IGHMBP2: variants seen among roughly 807,000 people sequenced by gnomAD.
The protein encoded by IGHMBP2 is DNA-binding protein SMUBP-2.
A neutral mutation model predicts 96.0 loss-of-function variants in IGHMBP2; 81 were observed. The observed-to-expected ratio is 0.84, with a 90% CI of 0.71 to 1.01. IGHMBP2 has a LOEUF of 1.01. IGHMBP2 is among the 50% of genes least tolerant of loss of function. The pLI is 0.00. For missense variants in IGHMBP2, 1,227 were observed against 1,306.3 expected, an observed-to-expected ratio of 0.94 and a Z score of 0.94; for synonymous variants, 557 against 548.9, an observed-to-expected ratio of 1.01 and a Z score of -0.21.
Position 68,917,689 on chromosome 11 carries a change from A to G in IGHMBP2, c.913-47A>G, listed in dbSNP as rs1461530851. The G allele has an allele frequency of 4.7e-6, 7 of 1,496,768 alleles. No homozygotes were observed. In the East Asian group the frequency reaches 1.1e-4, roughly 24 times the overall value. 92.7% of individuals were successfully genotyped at this position (1,496,768 alleles called of 1,614,324 possible). On this transcript the variant is annotated intron_variant, in intron 6 of 14. Transcript: ENST00000255078. Reference sequence around the variant, plus strand: ...ACTTCATAAATAGAGTTGAAGAAGTACAAAGTTGGACTGAAGTAAGTGTAT... The same window carrying G: ...ACTTCATAAATAGAGTTGAAGAAGTGCAAAGTTGGACTGAAGTAAGTGTAT...
chr11:68,920,234 T>C (rs548660709), intron 7 of IGHMBP2, among the ~76,000 whole-genome samples: 1 of 152,338 alleles, frequency 6.6e-6, no homozygotes, highest in Admixed American at 6.5e-5. Flanking sequence ...GCTTTCTTTT[T>C]ATTTTTAAGA....
Position 68,904,076 on chromosome 11 carries a change from T to G in IGHMBP2, c.86+38T>G, listed in dbSNP as rs1002556835. 3 of 1,482,202 alleles carry G rather than the reference T, an allele frequency of 2.0e-6. No homozygotes were observed. The East Asian group carries it at 7.4e-5, about 36-fold the overall frequency. 91.8% of individuals were successfully genotyped at this position (1,482,202 alleles called of 1,614,324 possible). A position where few individuals can be genotyped will look rare whatever the true frequency, so the allele number is the denominator to read the frequency against. Reference sequence around the variant, plus strand: ...GCCGGCGCCGCTCCCTCGCGGTCGGTCCCGCCGTGTCCCGGGCAGAGTCTC... The same window carrying G: ...GCCGGCGCCGCTCCCTCGCGGTCGGGCCCGCCGTGTCCCGGGCAGAGTCTC... On this transcript the variant is annotated intron_variant, in intron 1 of 14. Transcript: ENST00000255078.
In IGHMBP2 at chr11:68,929,287, CT is replaced by C; in HGVS notation, c.1166del (p.Leu389ArgfsTer2). On this transcript the variant is annotated frameshift_variant, in exon 8 of 15. Transcript: ENST00000255078. LOFTEE classifies it high-confidence loss of function. ...CCTCGAGGCGAGCTGCTGGATCCCCCTGCTGAAGGCCAGAAAGTGCATCCTG... is the reference window on the plus strand; with the variant it reads ...CCTCGAGGCGAGCTGCTGGATCCCCCGCTGAAGGCCAGAAAGTGCATCCTG... ...QALEASCWIP[L>X]LKARKCILAG... 1 of 1,613,870 alleles carries C rather than the reference CT, an allele frequency of 6.2e-7. No homozygotes were observed. The highest frequency in any genetic ancestry group is 8.5e-7 in the Non-Finnish European group (1 of 1,180,028).
chr11:68,927,207 C>T (rs1213080803), intron 7 of IGHMBP2, among the ~76,000 whole-genome samples: 1 of 152,208 alleles, frequency 6.6e-6, no homozygotes, highest in Non-Finnish European at 1.5e-5. Flanking sequence ...TCTTCCCACC[C>T]CGGGGTTTGT....
Position 68,936,237 on chromosome 11 carries a change from G to A in IGHMBP2, c.1757G>A (p.Gly586Asp). 1 of 1,614,058 alleles carries A rather than the reference G, an allele frequency of 6.2e-7. No individual in the cohort carries two copies. Among genetic ancestry groups the A allele is most frequent in the Non-Finnish European group, 8.5e-7 (1 of 1,180,034 alleles). ...ILSFVRSNRKGEVGFLAEDRR... is the reference protein window; with the variant it reads ...ILSFVRSNRKDEVGFLAEDRR... ...CTCACTCCCCTCTGGCCTTTTGTAG[G>A]TGAAGTTGGTTTTCTTGCTGAGGAC... The change falls in exon 13 of 15, where the codon GGT (glycine) becomes GAT (aspartate). Residue 586 changes from glycine (G) to aspartate (D), a missense_variant and splice_region_variant. Gly to Asp is a moderately conservative substitution (Grantham distance 94). Coordinates refer to ENST00000255078, the MANE Select transcript of IGHMBP2 (RefSeq NM_002180.3).
intron 12 of IGHMBP2, 32 bp from the exon 13 acceptor site, chr11:68,936,205 C>A: frequency 6.2e-7 from 1 of 1,612,184 alleles, no homozygotes; most frequent in Non-Finnish European, 8.5e-7. Flanking sequence ...TAGTCTGAAA[C>A]CTGCTTCTCA....
chr11:68,937,335 C>T (rs1193245737), intron 13 of IGHMBP2, among the ~76,000 whole-genome samples: 1 of 152,114 alleles, frequency 6.6e-6, no homozygotes, highest in African/African-American at 2.4e-5. Flanking sequence ...GTAGGCAGCA[C>T]TCAGAGCATG....
At chr11:68,923,661 C>G (rs1474191909) in intron 7 of IGHMBP2, among the ~76,000 whole-genome samples, 1 of 152,130 alleles carries the variant, frequency 6.6e-6, no homozygotes, top group Non-Finnish European at 1.5e-5. Flanking sequence ...GAGCTTTCTA[C>G]CCAATGCACC....
rs879253887 is a variant in IGHMBP2, at chr11:68,934,542, C to T, written c.1616C>T (p.Ser539Leu). Residue 539 changes from serine (S) to leucine (L), a missense_variant, in exon 11 of 15, where the codon TCG becomes TTG. Around this residue, in one of 3 missense-constraint regions of IGHMBP2, gnomAD observed 703 missense variants for 770.3 expected, o/e 0.91. Coordinates refer to ENST00000255078, the MANE Select transcript of IGHMBP2 (RefSeq NM_002180.3). ...GVPARDIAVVSPYNLQVDLLR... is the reference protein window; with the variant it reads ...GVPARDIAVVLPYNLQVDLLR... ...CCAGCCCGTGACATTGCTGTGGTCTCGCCATACAACCTCCAGGTACGAGGG... is the reference window on the plus strand; with the variant it reads ...CCAGCCCGTGACATTGCTGTGGTCTTGCCATACAACCTCCAGGTACGAGGG... 10 of 1,611,770 alleles carry T rather than the reference C, an allele frequency of 6.2e-6. No individual in the cohort carries two copies. Among genetic ancestry groups the T allele is most frequent in the East Asian group, 2.2e-5 (1 of 44,824 alleles).
chr11:68,936,336 A>G lies in IGHMBP2; in HGVS notation c.1856A>G (p.Asn619Ser), dbSNP rs943195178. ...ATCTGTGACTCCCGTACTGTCAACAACCATGCATTTTTGAAGACCCTGGTG... is the reference window on the plus strand; with the variant it reads ...ATCTGTGACTCCCGTACTGTCAACAGCCATGCATTTTTGAAGACCCTGGTG... ...AVICDSRTVN[N>S]HAFLKTLVEY... Residue 619 changes from asparagine to serine, a missense_variant, in exon 13 of 15, where the codon AAC (asparagine) becomes AGC (serine). Asn to Ser is a conservative substitution (Grantham distance 46). This residue lies in a region of IGHMBP2 where 703 missense variants were observed against 770.3 expected (regional missense o/e 0.91). Coordinates refer to ENST00000255078, the MANE Select transcript of IGHMBP2 (RefSeq NM_002180.3). The G allele has an allele frequency of 3.7e-6, 6 of 1,614,032 alleles. No homozygotes were observed. The highest frequency in any genetic ancestry group is 1.3e-5 in the African/African-American group (1 of 74,902).
intron 13 of IGHMBP2, 88 bp from the exon 14 acceptor site, chr11:68,938,094 G>A (rs1859621016): frequency 6.2e-6 from 9 of 1,444,504 alleles, no homozygotes; most frequent in Admixed American, 3.3e-5. Context: ...GTGAGCCACC[G>A]TGCTTAGCCA....
chr11:68,918,310 A>C (rs1431052032), intron 7 of IGHMBP2, among the ~76,000 whole-genome samples: 1 of 149,596 alleles, frequency 6.7e-6, no homozygotes, highest in Non-Finnish European at 1.5e-5. Context: ...TTTTTTTTTA[A>C]ATTTAGATTT....
chr11:68,913,043 C>CAAA (rs71043469), intron 5 of IGHMBP2, among the ~76,000 whole-genome samples: 624 of 37,338 alleles, frequency 0.017, 21 homozygotes, highest in African/African-American at 0.061. Context: ...ACTCCATCTC[C>CAAA]AAAAAAAAAA....
rs544451884 is a variant in IGHMBP2, at chr11:68,934,181, G to A, written c.1537+268G>A. ...CTCTGCCTGGCTGGTCTGGTGATGG[G>A]AACTGTCATTGCTCAGCTGACACCA... On this transcript the variant is annotated intron_variant, in intron 10 of 14. Transcript: ENST00000255078. 4.9e-6 allele frequency: 3 copies of A among 611,528 alleles called. No individual in the cohort carries two copies. The African/African-American group carries it at 5.5e-5, about 11-fold the overall frequency. 37.9% of individuals were successfully genotyped at this position (611,528 alleles called of 1,614,324 possible).
At position 68,940,084 on chromosome 11, in the gene IGHMBP2, A is replaced by C; in HGVS notation, c.*353A>C. On this transcript the variant is annotated 3_prime_UTR_variant, in exon 15 of 15. Transcript: ENST00000255078. ...CCTCAAACTTGAAGTCACTCCTCCA[A>C]TGTCTGGGACTTGCCAGCTCAGCCC... 9 of 294,990 alleles carry C rather than the reference A, an allele frequency of 3.1e-5. No homozygotes were observed. Among genetic ancestry groups the C allele is most frequent in the Non-Finnish European group, 5.1e-5 (8 of 155,674 alleles). The allele number at this position is 294,990 out of a possible 1,614,324, so 18.3% of individuals were successfully genotyped here.
chr11:68,914,729 T>G (rs1022180920), intron 5 of IGHMBP2, 94 bp from the exon 6 acceptor site: 2 of 1,341,462 alleles, frequency 1.5e-6, no homozygotes, highest in Non-Finnish European at 2.1e-6. Context: ...TGCCTTGTGC[T>G]TCTTTCTACC....
chr11:68,909,859 T>G (rs1858363413), intron 4 of IGHMBP2, among the ~76,000 whole-genome samples: 1 of 152,160 alleles, frequency 6.6e-6, no homozygotes, highest in Non-Finnish European at 1.5e-5. Context: ...CTTGAACTCC[T>G]GACCTCAGGT....
chr11:68,917,857 C>T lies in IGHMBP2; in HGVS notation c.1034C>T (p.Ala345Val). 2 of 1,614,146 alleles carry T rather than the reference C, an allele frequency of 1.2e-6. No homozygotes were observed. The highest frequency in any genetic ancestry group is 8.5e-7 in the Non-Finnish European group (1 of 1,180,000). ...GCTATGCTCGAGAGCCTCACTTCGG[C>T]AAACGTGGTCCTTGCAACAAACACA... Reference protein sequence around the residue: ...EAAMLESLTSANVVLATNTGA... With the variant: ...EAAMLESLTSVNVVLATNTGA... The change falls in exon 7 of 15, where the codon GCA becomes GTA. Residue 345 changes from alanine to valine, a missense_variant. Around this residue, in one of 3 missense-constraint regions of IGHMBP2, gnomAD observed 507 missense variants for 496.9 expected, o/e 1.02. Coordinates refer to ENST00000255078, the MANE Select transcript of IGHMBP2 (RefSeq NM_002180.3).
rs570033304 is a variant in IGHMBP2 at position 68,935,210 on chromosome 11, A to G, written c.1633-89A>G. ...GCTTCCCAGGTCCTGGCTGTTTCAC[A>G]GCGTGAGGCCCTCTGCTGAGCTGAA... On this transcript the variant is annotated intron_variant, in intron 11 of 14. Coordinates refer to ENST00000255078, the MANE Select transcript of IGHMBP2 (RefSeq NM_002180.3). The G allele has an allele frequency of 2.6e-4, 394 of 1,544,458 alleles. 1 individual carries two copies. The African/African-American group carries it at 4.9e-3, about 19-fold the overall frequency.
Sources: gnomAD v4.1 joint callset for allele counts (sites outside exome capture counted in the v4.1 genomes callset) on GRCh38, gnomAD v4.1.1 for gene constraint, gnomAD v4.1.1 regional missense constraint, MANE v1.5 for transcripts, NCBI Gene and HGNC (gene_info 2026-07-23, HGNC 2026-07-21) for gene names.